Variants in STX18 observed in about 807,000 individuals in gnomAD.
STX18 encodes the protein syntaxin 18.
A neutral mutation model predicts 50.1 loss-of-function variants in STX18; 40 were observed. The ratio of observed to expected loss-of-function variants is 0.80; its 90% confidence interval spans 0.62 to 1.04. The LOEUF (loss-of-function observed/expected upper bound fraction) is 1.04. Ranked by LOEUF, STX18 falls within the 50% of genes least tolerant of loss-of-function variation. The pLI, the probability that STX18 is intolerant of heterozygous loss-of-function variation, is 0.00. For missense variants in STX18, 410 were observed against 415.8 expected, an observed-to-expected ratio of 0.99 and a Z score of 0.12; for synonymous variants, 158 against 151.8, an observed-to-expected ratio of 1.04 and a Z score of -0.30.
chr4:4,426,392 G>A (rs1725242623), intron 7 of STX18: 1 of 152,220 alleles, frequency 6.6e-6, no homozygotes, highest in Non-Finnish European at 1.5e-5. Flanking sequence ...GCAAGCCTCT[G>A]GAGGCTCCGA....
At chr4:4,541,757 C>G in intron 1 of STX18, 40 bp downstream of exon 1, 2 of 1,577,566 alleles carry the variant, frequency 1.3e-6, no homozygotes. Context: ...CGCAGGACTG[C>G]CCCCTCCTCA....
At chr4:4,437,973 G>C (rs531505008) in intron 6 of STX18, among the ~76,000 whole-genome samples, 2 of 152,340 alleles carry the variant, frequency 1.3e-5, no homozygotes, top group Admixed American at 1.3e-4. Context: ...TTTGCATTTT[G>C]TCCTGTTGGT....
intron 1 of STX18, among the ~76,000 whole-genome samples, chr4:4,477,028 C>T (rs1458785040): frequency 4.6e-5 from 7 of 151,670 alleles, no homozygotes; most frequent in Admixed American, 6.6e-5. Flanking sequence ...GGCGAAACCC[C>T]GTCTCTATTA....
intron 1 of STX18, among the ~76,000 whole-genome samples, chr4:4,540,043 G>A (rs1387392699): frequency 6.6e-6 from 1 of 152,158 alleles, no homozygotes; most frequent in Non-Finnish European, 1.5e-5. Flanking sequence ...AAGTGCTTGG[G>A]CCAAACTGGG....
chr4:4,507,741 G>C lies in STX18; in HGVS notation c.168+34056C>G, dbSNP rs564939279. On this transcript the variant is annotated intron_variant, in intron 1 of 10. Coordinates refer to ENST00000306200, the MANE Select transcript of STX18 (RefSeq NM_016930.4). ...TTTCTGGTGTCTCTAAGAAGCTCAC[G>C]GGCAAGGATGTTAATTTTGAATTCC... The C allele has an allele frequency of 7.4e-5, 96 of 1,297,558 alleles. No individual in the cohort carries two copies. The African/African-American group carries it at 1.3e-3, about 18-fold the overall frequency. 80.4% of individuals were successfully genotyped at this position (1,297,558 alleles called of 1,614,324 possible).
At chr4:4,442,786 T>C (rs1726188415) in intron 5 of STX18, among the ~76,000 whole-genome samples, 1 of 127,180 alleles carries the variant, frequency 7.9e-6, no homozygotes, top group African/African-American at 3.0e-5. Context: ...AAACTGCTCT[T>C]AAAATAACAA....
intron 6 of STX18, among the ~76,000 whole-genome samples, chr4:4,438,070 G>A (rs1725884135): frequency 1.3e-5 from 2 of 152,212 alleles, no homozygotes; most frequent in African/African-American, 4.8e-5. Context: ...GGGCATGGCT[G>A]CCAGGGAGGC....
intron 1 of STX18, among the ~76,000 whole-genome samples, chr4:4,495,430 C>A (rs1036327667): frequency 5.3e-5 from 8 of 152,044 alleles, no homozygotes; most frequent in Non-Finnish European, 1.2e-4. Flanking sequence ...CCTCCATCAC[C>A]CATGCTGCTG....
At chr4:4,534,793 G>T (rs1731256257) in intron 1 of STX18, among the ~76,000 whole-genome samples, 1 of 152,278 alleles carries the variant, frequency 6.6e-6, no homozygotes, top group Non-Finnish European at 1.5e-5. Flanking sequence ...GGCCTCTGCA[G>T]GCTATCGCTC....
chr4:4,480,795 A>C (rs1728423039), intron 1 of STX18, among the ~76,000 whole-genome samples: 1 of 152,172 alleles, frequency 6.6e-6, no homozygotes, highest in Non-Finnish European at 1.5e-5. Context: ...TAATAACAGG[A>C]CCTCTCAAAA....
chr4:4,509,965 T>C (rs1370197786), intron 1 of STX18, among the ~76,000 whole-genome samples: 3 of 152,198 alleles, frequency 2.0e-5, no homozygotes, highest in South Asian at 2.1e-4. Flanking sequence ...GTCTATTAGA[T>C]ACTCAGGTAA....
intron 1 of STX18, among the ~76,000 whole-genome samples, chr4:4,538,966 C>T (rs994835262): frequency 1.3e-5 from 2 of 152,210 alleles, no homozygotes; most frequent in Middle Eastern, 3.4e-3. Flanking sequence ...GGTAGACATG[C>T]ATTTGAGTAT....
At chr4:4,486,829 A>C (rs559568916) in intron 1 of STX18, among the ~76,000 whole-genome samples, 9 of 152,332 alleles carry the variant, frequency 5.9e-5, no homozygotes, top group Non-Finnish European at 1.0e-4. Flanking sequence ...TCAAAAACAA[A>C]TAGTGCAAAA....
intron 1 of STX18, among the ~76,000 whole-genome samples, chr4:4,506,864 G>C (rs1729732525): frequency 6.6e-6 from 1 of 152,190 alleles, no homozygotes; most frequent in Non-Finnish European, 1.5e-5. Flanking sequence ...GATGAAGTGA[G>C]AGGATAAAAT....
chr4:4,536,675 A>G, intron 1 of STX18, among the ~76,000 whole-genome samples: 1 of 152,222 alleles, frequency 6.6e-6, no homozygotes, highest in East Asian at 1.9e-4. Flanking sequence ...GAGGCCAGAG[A>G]GGGAGCAGGG....
At chr4:4,464,640 A>G (rs1475462483) in intron 2 of STX18, among the ~76,000 whole-genome samples, 4 of 152,180 alleles carry the variant, frequency 2.6e-5, no homozygotes, top group East Asian at 1.9e-4. Context: ...TGTTTGCAGT[A>G]GTTTCAAAGA....
chr4:4,457,578 C>T (rs1358387370), intron 3 of STX18, 78 bp from the exon 4 acceptor site: 1 of 1,061,850 alleles, frequency 9.4e-7, no homozygotes, highest in African/African-American at 1.6e-5. Flanking sequence ...CCTCACAACA[C>T]TTTCTTTATT....
Position 4,423,543 on chromosome 4 carries a change from A to C in STX18, c.806T>G (p.Ile269Arg), listed in dbSNP as rs1319826987. The C allele has an allele frequency of 6.2e-7, 1 of 1,614,220 alleles. No individual in the cohort carries two copies. The highest frequency in any genetic ancestry group is 1.7e-5 in the Admixed American group (1 of 60,030). ...CTGTTGCAAAACCTTTTCCGTGAAT[A>C]TCTCTTGGAGTCTGGAAATCTCAAC... ...RVVEISRLQE[I>R]FTEKVLQQEA... Residue 269 changes from isoleucine (I) to arginine (R), a missense_variant, in exon 9 of 11, where the codon ATA becomes AGA. Coordinates refer to ENST00000306200, the MANE Select transcript of STX18 (RefSeq NM_016930.4).
chr4:4,421,515 A>G (rs1045970470), intron 9 of STX18, among the ~76,000 whole-genome samples: 2 of 152,140 alleles, frequency 1.3e-5, no homozygotes, highest in Non-Finnish European at 2.9e-5. Flanking sequence ...TCGGCCTCCC[A>G]GAGTGCTGGG....
Sources: allele counts gnomAD v4.1 joint callset (sites outside exome capture counted in the v4.1 genomes callset), GRCh38; gene constraint gnomAD v4.1.1; transcripts MANE v1.5; gene names NCBI Gene and HGNC (gene_info 2026-07-23, HGNC 2026-07-21).